ACTN1: variants seen among roughly 807,000 people sequenced by gnomAD.
ACTN1 encodes alpha-actinin-1.
ACTN1 carries 30 observed loss-of-function variants against 119.6 expected under a neutral mutation model. That is an observed-to-expected ratio of 0.25 (90% CI 0.19 to 0.34). The LOEUF (loss-of-function observed/expected upper bound fraction) is 0.34. Among genes scored for constraint, ACTN1 ranks in the 10% least tolerant of loss-of-function variants. ACTN1 has a pLI of 1.00. For missense variants in ACTN1, 764 were observed against 1,223.4 expected, an observed-to-expected ratio of 0.62 and a Z score of 5.60; for synonymous variants, 429 against 472.6, an observed-to-expected ratio of 0.91 and a Z score of 1.20.
At position 68,885,783 on chromosome 14, in the gene ACTN1, A is replaced by G; in HGVS notation, c.1235-208T>C. 1 of 591,750 alleles carries G rather than the reference A, an allele frequency of 1.7e-6. No homozygotes were observed. The highest frequency in any genetic ancestry group is 3.0e-6 in the Non-Finnish European group (1 of 335,426). 36.7% of individuals were successfully genotyped at this position (591,750 alleles called of 1,614,324 possible). A position where few individuals can be genotyped will look rare whatever the true frequency, so the allele number is the denominator to read the frequency against. ...CAACGGGGAAAAGCACTCTCCTCAG[A>G]GCACTTCCAAGGCCATGAAAGTGTC... On this transcript the variant is annotated intron_variant, in intron 11 of 21. Coordinates refer to ENST00000394419, the MANE Select transcript of ACTN1 (RefSeq NM_001130004.2). This position sits in a 1 kb window ranked among gnomAD's most constrained non-coding sequence, Gnocchi z 5.6.
intron 1 of ACTN1, among the ~76,000 whole-genome samples, chr14:68,970,795 C>T (rs1320173747): frequency 6.6e-6 from 1 of 152,178 alleles, no homozygotes; most frequent in Non-Finnish European, 1.5e-5. Context: ...AGAAAAGTAC[C>T]TTCACTGAGG....
chr14:68,952,411 T>C (rs1312325430), intron 1 of ACTN1, among the ~76,000 whole-genome samples: 2 of 152,206 alleles, frequency 1.3e-5, no homozygotes, highest in Admixed American at 6.5e-5. Context: ...CCTGGCAAAG[T>C]CCAGCTGCTG....
intron 1 of ACTN1, among the ~76,000 whole-genome samples, chr14:68,931,608 T>C (rs74945078): frequency 1.6e-4 from 25 of 152,150 alleles, no homozygotes; most frequent in African/African-American, 6.0e-4. Context: ...ATCCACTGAG[T>C]GACCTTGTGC....
intron 8 of ACTN1, among the ~76,000 whole-genome samples, chr14:68,899,168 C>T (rs1317107684): frequency 6.9e-5 from 10 of 144,306 alleles, no homozygotes; most frequent in African/African-American, 2.6e-4. Context: ...CACACACACA[C>T]CTCACACCCT....
chr14:68,885,729 T>A lies in ACTN1; in HGVS notation c.1235-154A>T. On this transcript the variant is annotated intron_variant, in intron 11 of 21. Coordinates refer to ENST00000394419, the MANE Select transcript of ACTN1 (RefSeq NM_001130004.2). The surrounding 1 kb of genome is among the most constrained non-coding windows in gnomAD (Gnocchi z 5.6). ...GGGATCTGCAGGGTGCAAAAGCAGATGTGCAACTAGAACATCCACCAACCG... is the reference window on the plus strand; with the variant it reads ...GGGATCTGCAGGGTGCAAAAGCAGAAGTGCAACTAGAACATCCACCAACCG... 1.2e-6 allele frequency: 1 copy of A among 857,070 alleles called. No individual in the cohort carries two copies. Among genetic ancestry groups the A allele is most frequent in the Non-Finnish European group, 1.8e-6 (1 of 570,190 alleles). The allele number at this position is 857,070 out of a possible 1,614,324, so 53.1% of individuals were successfully genotyped here.
At chr14:68,915,131 C>T (rs756697921) in intron 3 of ACTN1, among the ~76,000 whole-genome samples, 1 of 152,174 alleles carries the variant, frequency 6.6e-6, no homozygotes, top group African/African-American at 2.4e-5. Flanking sequence ...AATCCCCAGA[C>T]CCCATATCAC....
intron 11 of ACTN1, chr14:68,886,526 C>A (rs978726946): frequency 6.6e-6 from 1 of 152,232 alleles, no homozygotes; most frequent in South Asian, 2.1e-4. Context: ...GGCACGGTGG[C>A]TCACGCCTGT....
chr14:68,880,636 T>C lies in ACTN1; in HGVS notation c.2133+174A>G, dbSNP rs565713903. On this transcript the variant is annotated intron_variant, in intron 17 of 21. Coordinates refer to ENST00000394419, the MANE Select transcript of ACTN1 (RefSeq NM_001130004.2). The surrounding 1 kb of genome is among the most constrained non-coding windows in gnomAD (Gnocchi z 4.6). The stretch of plus-strand genomic sequence containing the variant: ...AGATGGGGCCTAGAAATGTGCATTC[T>C]CAACACATTCCTTGGGAAAGCAGAA... 2.6e-5 allele frequency among the ~76,000 whole-genome samples: 4 copies of C among 152,288 alleles called. No homozygotes were observed. The South Asian group carries it at 8.3e-4, about 32-fold the overall frequency.
Position 68,902,534 on chromosome 14 carries a change from C to G in ACTN1, c.705G>C (p.Glu235Asp). Reference sequence around the variant, plus strand: ...TAGACACGTAAGTCATGATGGCTTTCTCATCCGGTCGGGCAGTTCCAACGA... The same window carrying G: ...TAGACACGTAAGTCATGATGGCTTTGTCATCCGGTCGGGCAGTTCCAACGA... ...EDIVGTARPD[E>D]KAIMTYVSSF... Residue 235 changes from glutamate to aspartate, a missense_variant, in exon 8 of 22, where the codon GAG becomes GAC. By Grantham distance (45) the Glu-to-Asp change is conservative. Coordinates refer to ENST00000394419, the MANE Select transcript of ACTN1 (RefSeq NM_001130004.2). The G allele has an allele frequency of 6.2e-7, 1 of 1,613,852 alleles. No individual in the cohort carries two copies. The highest frequency in any genetic ancestry group is 8.5e-7 in the Non-Finnish European group (1 of 1,179,880).
intron 1 of ACTN1, among the ~76,000 whole-genome samples, chr14:68,934,151 T>TA (rs2035367528): frequency 2.0e-5 from 3 of 152,226 alleles, no homozygotes; most frequent in Admixed American, 2.0e-4. Flanking sequence ...GAAAGCTTTC[T>TA]AAGTCTGCTA....
At chr14:68,964,215 G>A (rs1335183113) in intron 1 of ACTN1, among the ~76,000 whole-genome samples, 1 of 152,136 alleles carries the variant, frequency 6.6e-6, no homozygotes, top group Non-Finnish European at 1.5e-5. Context: ...CCATGCACAG[G>A]GGCGTCATCA....
Position 68,925,551 on chromosome 14 carries a change from G to T in ACTN1, c.220+7C>A. On this transcript the variant is annotated splice_region_variant and intron_variant, in intron 2 of 21. Coordinates refer to ENST00000394419, the MANE Select transcript of ACTN1 (RefSeq NM_001130004.2). The surrounding 1 kb of genome is among the most constrained non-coding windows in gnomAD (Gnocchi z 4.3). ...AGTATCTCGTCCTGGGCCAGGTTCC[G>T]CCTCACCTGAGATGACCTCCAGCAG... 1 of 1,609,100 alleles carries T rather than the reference G, an allele frequency of 6.2e-7. No individual in the cohort carries two copies. The highest frequency in any genetic ancestry group is 8.5e-7 in the Non-Finnish European group (1 of 1,176,708).
chr14:68,952,029 A>T (rs1348243300), intron 1 of ACTN1, among the ~76,000 whole-genome samples: 1 of 152,164 alleles, frequency 6.6e-6, no homozygotes, highest in African/African-American at 2.4e-5. Context: ...AGCAAAACAA[A>T]CAGTAGCCAA....
intron 1 of ACTN1, among the ~76,000 whole-genome samples, chr14:68,954,229 G>T (rs2036272458): frequency 1.3e-5 from 2 of 152,110 alleles, no homozygotes; most frequent in South Asian, 4.1e-4. Context: ...TGATGTATCA[G>T]GATGGATAGT....
At chr14:68,935,933 A>C (rs924709423) in intron 1 of ACTN1, among the ~76,000 whole-genome samples, 1 of 152,188 alleles carries the variant, frequency 6.6e-6, no homozygotes, top group African/African-American at 2.4e-5. Context: ...AATCAAAAAT[A>C]CCAGCCACCA....
intron 3 of ACTN1, among the ~76,000 whole-genome samples, chr14:68,914,546 G>A (rs1434364674): frequency 6.6e-6 from 1 of 152,118 alleles, no homozygotes. Context: ...TGGGAGGATC[G>A]CTTGAGCCCA....
chr14:68,893,824 A>G (rs528908880), intron 8 of ACTN1, 77 bp from the exon 9 acceptor site: 11 of 1,394,216 alleles, frequency 7.9e-6, no homozygotes, highest in Non-Finnish European at 1.1e-5. Context: ...GTGCTGACAA[A>G]GCCCCTCCCA....
chr14:68,879,637 CCT>C lies in ACTN1; in HGVS notation c.2280+323_2280+324del, dbSNP rs1466161994. Among the ~76,000 whole-genome samples the C allele has an allele frequency of 3.3e-5, 5 of 152,140 alleles. No individual in the cohort carries two copies. The highest frequency in any genetic ancestry group is 4.8e-5 in the African/African-American group (2 of 41,416). On this transcript the variant is annotated intron_variant, in intron 18 of 21. Coordinates refer to ENST00000394419, the MANE Select transcript of ACTN1 (RefSeq NM_001130004.2). The surrounding 1 kb of genome is among the most constrained non-coding windows in gnomAD (Gnocchi z 4.9). Reference sequence around the variant, plus strand: ...GAGGGCAGGAGGAGTCTCTTCTGCTCCTCTGTCTCCACAGCCAGGGAGCAGCA... The same window carrying C: ...GAGGGCAGGAGGAGTCTCTTCTGCTCCTGTCTCCACAGCCAGGGAGCAGCA...
intron 1 of ACTN1, among the ~76,000 whole-genome samples, chr14:68,964,142 C>A (rs909961005): frequency 1.3e-5 from 2 of 152,214 alleles, no homozygotes; most frequent in African/African-American, 4.8e-5. Context: ...CACTGCCTCT[C>A]CTGGACTGTG....
Sources: allele counts gnomAD v4.1 joint callset (sites outside exome capture counted in the v4.1 genomes callset), GRCh38; gene constraint gnomAD v4.1.1; non-coding constraint Gnocchi (gnomAD v3.1); transcripts MANE v1.5; gene names NCBI Gene and HGNC (gene_info 2026-07-23, HGNC 2026-07-21).